The following RBFOX3 variants were observed in gnomAD, a reference collection of about 807,000 sequenced individuals.
RBFOX3 encodes RNA binding protein fox-1 homolog 3.
A neutral mutation model predicts 48.7 loss-of-function variants in RBFOX3; 17 were observed. That is an observed-to-expected ratio of 0.35 (90% CI 0.24 to 0.52). The LOEUF (loss-of-function observed/expected upper bound fraction) is 0.52, where lower values mean the gene tolerates loss of function less well. Among genes scored for constraint, RBFOX3 ranks in the 20% least tolerant of loss-of-function variants. RBFOX3 has a pLI of 0.94. For missense variants in RBFOX3, 382 were observed against 497.5 expected (o/e 0.77, Z 2.21); for synonymous variants, 212 against 209.5 (o/e 1.01, Z -0.10).
chr17:79,178,362 G>A (rs1032797074), intron 4 of RBFOX3, among the ~76,000 whole-genome samples: 1 of 152,242 alleles, frequency 6.6e-6, no homozygotes, highest in Non-Finnish European at 1.5e-5. Flanking sequence ...GCCTCAAGAA[G>A]CCTCCAGATA....
chr17:79,524,305 C>T (rs2086512923), intron 1 of RBFOX3, among the ~76,000 whole-genome samples: 1 of 152,190 alleles, frequency 6.6e-6, no homozygotes. Flanking sequence ...CCAATATTTA[C>T]AAACACTGTC....
At chr17:79,551,517 G>A (rs2091147134) in intron 1 of RBFOX3, among the ~76,000 whole-genome samples, 1 of 128,228 alleles carries the variant, frequency 7.8e-6, no homozygotes, top group Non-Finnish European at 1.8e-5. Context: ...GTAGGTGGAT[G>A]GGTGGATGGA....
At chr17:79,229,168 G>A (rs949915308) in intron 4 of RBFOX3, among the ~76,000 whole-genome samples, 1 of 140,518 alleles carries the variant, frequency 7.1e-6, no homozygotes, top group Admixed American at 7.5e-5. Context: ...GGCAGAGGTT[G>A]CAGTGAGCCG....
At chr17:79,128,348 C>G (rs574278164) in intron 4 of RBFOX3, among the ~76,000 whole-genome samples, 1 of 152,174 alleles carries the variant, frequency 6.6e-6, no homozygotes, top group Non-Finnish European at 1.5e-5. Context: ...CCATCGTGAG[C>G]GTTTTCTACG....
At chr17:79,268,387 G>A (rs1043626245) in intron 3 of RBFOX3, among the ~76,000 whole-genome samples, 1 of 152,116 alleles carries the variant, frequency 6.6e-6, no homozygotes, top group Non-Finnish European at 1.5e-5. Flanking sequence ...TTCCCCATGG[G>A]TCTGAGTACC....
At chr17:79,332,629 G>C (rs1463671653) in intron 2 of RBFOX3, among the ~76,000 whole-genome samples, 1 of 151,714 alleles carries the variant, frequency 6.6e-6, no homozygotes, top group African/African-American at 2.4e-5. Context: ...GAGAGACAAA[G>C]AGAGACAGAG....
chr17:79,169,244 A>G (rs1432142950), intron 4 of RBFOX3, among the ~76,000 whole-genome samples: 1 of 152,094 alleles, frequency 6.6e-6, no homozygotes, highest in Non-Finnish European at 1.5e-5. Flanking sequence ...GCAGTCAGCA[A>G]CCCGGGTTTC....
chr17:79,424,618 G>A (rs532571282), intron 2 of RBFOX3, among the ~76,000 whole-genome samples: 40 of 152,228 alleles, frequency 2.6e-4, no homozygotes, highest in African/African-American at 9.1e-4. Context: ...TCCCCCACCA[G>A]GCTTCCAAGG....
At chr17:79,304,456 T>C (rs903526398) in intron 3 of RBFOX3, among the ~76,000 whole-genome samples, 3 of 149,900 alleles carry the variant, frequency 2.0e-5, no homozygotes, top group African/African-American at 7.4e-5. Context: ...TATATATAAA[T>C]ATATAGCATG....
intron 4 of RBFOX3, among the ~76,000 whole-genome samples, chr17:79,129,564 GA>G (rs2038267411): frequency 6.6e-6 from 1 of 152,204 alleles, no homozygotes. Flanking sequence ...GGTTTCCTGA[GA>G]CCCTGATATG....
chr17:79,289,986 C>T (rs2072911124), intron 3 of RBFOX3, among the ~76,000 whole-genome samples: 1 of 152,146 alleles, frequency 6.6e-6, no homozygotes, highest in South Asian at 2.1e-4. Flanking sequence ...AACAGACACA[C>T]CTCCAACAGG....
intron 4 of RBFOX3, among the ~76,000 whole-genome samples, chr17:79,136,558 G>A (rs2040251170): frequency 6.6e-6 from 1 of 152,144 alleles, no homozygotes; most frequent in Middle Eastern, 3.2e-3. Flanking sequence ...CTGTGCTGCT[G>A]GCCACTCAAC....
At chr17:79,191,533 C>G (rs1475528840) in intron 4 of RBFOX3, among the ~76,000 whole-genome samples, 1 of 152,224 alleles carries the variant, frequency 6.6e-6, no homozygotes, top group East Asian at 1.9e-4. Flanking sequence ...CCCGGAGAGG[C>G]ATTACTGTCC....
At chr17:79,393,406 C>T (rs2061580673) in intron 2 of RBFOX3, among the ~76,000 whole-genome samples, 1 of 152,240 alleles carries the variant, frequency 6.6e-6, no homozygotes, top group Non-Finnish European at 1.5e-5. Flanking sequence ...AGGGGAGACC[C>T]GGCCAGTGAG....
At position 79,108,041 on chromosome 17, in the gene RBFOX3, C is replaced by T. The variant is rs549577768; in HGVS notation, c.223-1253G>A. Among the ~76,000 whole-genome samples the T allele has an allele frequency of 9.2e-5, 14 of 152,350 alleles. No homozygotes were observed. In the South Asian group the frequency reaches 2.5e-3, roughly 27 times the overall value. ...CCTTCCCGCCTCAATTCCATGCTGC[C>T]CCTTAGGGGTTTTGGGAGATCATCT... On this transcript the variant is annotated intron_variant, in intron 5 of 14. Coordinates refer to ENST00000693108, the MANE Select transcript of RBFOX3 (RefSeq NM_001350451.2).
intron 1 of RBFOX3, among the ~76,000 whole-genome samples, chr17:79,497,263 T>C (rs1048080606): frequency 2.6e-5 from 4 of 152,220 alleles, no homozygotes; most frequent in African/African-American, 9.6e-5. Context: ...CACTGGACCA[T>C]ACTAAGACCT....
intron 2 of RBFOX3, among the ~76,000 whole-genome samples, chr17:79,457,592 C>T (rs887066085): frequency 2.6e-5 from 4 of 152,122 alleles, no homozygotes; most frequent in Non-Finnish European, 4.4e-5. Flanking sequence ...GCAGTTGGGG[C>T]GCCCTCTCTC....
intron 3 of RBFOX3, among the ~76,000 whole-genome samples, chr17:79,280,353 GAA>G (rs1292385703): frequency 7.2e-5 from 11 of 152,148 alleles, no homozygotes; most frequent in African/African-American, 2.7e-4. Context: ...GCGACAAAAA[GAA>G]AACACGTGAG....
intron 2 of RBFOX3, among the ~76,000 whole-genome samples, chr17:79,407,441 G>A (rs570801121): frequency 1.3e-5 from 2 of 152,398 alleles, no homozygotes; most frequent in South Asian, 2.1e-4. Context: ...AGGACAGGAA[G>A]GAGTGGGGCT....
Sources: gnomAD v4.1 joint callset for allele counts (sites outside exome capture counted in the v4.1 genomes callset) on GRCh38, gnomAD v4.1.1 for gene constraint, MANE v1.5 for transcripts, NCBI Gene and HGNC (gene_info 2026-07-23, HGNC 2026-07-21) for gene names.